The following TBC1D17 variants were observed in gnomAD, a reference collection of about 807,000 sequenced individuals.
TBC1D17 encodes TBC1 domain family member 17, also known as TBC1 domain family, member 17.
Under a neutral mutation model 78.8 loss-of-function variants are expected in TBC1D17, and 69 were observed. The observed-to-expected ratio is 0.88, with a 90% CI of 0.72 to 1.07. The LOEUF (loss-of-function observed/expected upper bound fraction) is 1.07. Ranked by LOEUF, TBC1D17 falls within the 50% of genes least tolerant of loss-of-function variation. TBC1D17 has a pLI of 0.00. For missense variants in TBC1D17, 957 were observed against 861.0 expected, an observed-to-expected ratio of 1.11 and a Z score of -1.39; for synonymous variants, 456 against 358.3, an observed-to-expected ratio of 1.27 and a Z score of -3.08.
Position 49,882,824 on chromosome 19 carries a change from G to A in TBC1D17, c.859G>A (p.Ala287Thr), listed in dbSNP as rs2075027359. 1 of 1,610,312 alleles carries A rather than the reference G, an allele frequency of 6.2e-7. No homozygotes were observed. The highest frequency in any genetic ancestry group is 8.5e-7 in the Non-Finnish European group (1 of 1,178,760). Residue 287 changes from alanine (A) to threonine (T), a missense_variant, in exon 8 of 17, where the codon GCA becomes ACA. By Grantham distance (58) the Ala-to-Thr change is moderately conservative (BLOSUM62 0). Coordinates refer to ENST00000221543, the MANE Select transcript of TBC1D17 (RefSeq NM_024682.3). ...RGPPVTEEEWARHVGPEGRLQ... is the reference protein window; with the variant it reads ...RGPPVTEEEWTRHVGPEGRLQ... ...CCCTCCAGTTACAGAGGAGGAGTGG[G>A]CACGCCACGTGGGCCCTGAAGGTCG...
intron 13 of TBC1D17, chr19:49,887,198 A>G (rs1403777054): frequency 6.6e-6 from 3 of 454,976 alleles, no homozygotes; most frequent in South Asian, 4.1e-5. Flanking sequence ...GCTCACCAGC[A>G]GCGGGCAGAG....
intron 13 of TBC1D17, 89 bp downstream of exon 13, chr19:49,884,847 T>C (rs548107545): frequency 5.2e-6 from 6 of 1,159,948 alleles, no homozygotes; most frequent in South Asian, 5.1e-5. Context: ...ATCCTGGACA[T>C]TGGGTCCTGA....
intron 2 of TBC1D17, 81 bp from the exon 3 acceptor site, chr19:49,878,417 A>C (rs2074979333): frequency 6.9e-7 from 1 of 1,440,244 alleles, no homozygotes; most frequent in Non-Finnish European, 9.8e-7. Flanking sequence ...AGAAACTGGG[A>C]AAGTTTGGAA....
rs2075068049 is a variant in TBC1D17, at chr19:49,887,494, C to G, written c.1463C>G (p.Ser488Cys). ...CCCCCAGATTCCCAGGACTCCGGCT[C>G]TCTCTGCTTCTGTTTCCGGTGGCTG... ...CDFLDSQDSG[S>C]LCFCFRWLLI... Residue 488 changes from serine (S) to cysteine (C), a missense_variant, in exon 14 of 17, where the codon TCT becomes TGT. Transcript: ENST00000221543. The G allele has an allele frequency of 3.1e-6, 5 of 1,614,158 alleles. No homozygotes were observed. The highest frequency in any genetic ancestry group is 1.3e-5 in the African/African-American group (1 of 75,074).
intron 15 of TBC1D17, 185 bp downstream of exon 15, chr19:49,888,019 C>T (rs1486661774): frequency 1.0e-6 from 1 of 963,854 alleles, no homozygotes; most frequent in East Asian, 2.6e-5. Flanking sequence ...CCAGCAAGGT[C>T]CTCCGGGCAG....
At chr19:49,878,676 G>GTCACACATGCCCCAC in intron 3 of TBC1D17, 104 bp downstream of exon 3, 2 of 1,116,582 alleles carry the variant, frequency 1.8e-6, no homozygotes, top group Non-Finnish European at 2.7e-6. Flanking sequence ...CTACTCGTGG[G>GTCACACATGCCCCAC]GCATGTGTGA....
intron 3 of TBC1D17, among the ~76,000 whole-genome samples, chr19:49,879,691 G>A (rs2074993798): frequency 6.6e-6 from 1 of 150,626 alleles, no homozygotes; most frequent in East Asian, 2.0e-4. Context: ...TTTACCTGGT[G>A]AGTACAACAG....
chr19:49,883,221 C>G (rs993410510), intron 9 of TBC1D17, 145 bp downstream of exon 9: 2 of 696,890 alleles, frequency 2.9e-6, no homozygotes, highest in Non-Finnish European at 4.8e-6. Flanking sequence ...ATGATCAAGC[C>G]AGACCCATCC....
In TBC1D17 at chr19:49,884,458, G is replaced by T. The variant is rs375050509; in HGVS notation, c.1244-1G>T. On this transcript the variant is annotated splice_acceptor_variant, in intron 11 of 16. Transcript: ENST00000221543. LOFTEE classifies it high-confidence loss of function. ...TGCAGCCTGACCCCATGTCCCCCCA[G>T]GCTACGTCCAGGGCATGAGTGATCT... is the stretch of plus-strand genomic sequence containing the variant. 6.2e-7 allele frequency: 1 copy of T among 1,613,996 alleles called. No homozygotes were observed. The highest frequency in any genetic ancestry group is 1.3e-5 in the African/African-American group (1 of 74,914).
intron 3 of TBC1D17, among the ~76,000 whole-genome samples, chr19:49,880,028 G>T (rs2074998464): frequency 1.3e-5 from 2 of 151,466 alleles, no homozygotes; most frequent in Admixed American, 1.3e-4. Context: ...TAATTTTTTT[G>T]TATTTTTTTA....
Position 49,880,533 on chromosome 19 carries a change from C to A in TBC1D17, c.319+131C>A, listed in dbSNP as rs567241269. On this transcript the variant is annotated intron_variant, in intron 4 of 16. Transcript: ENST00000221543. ...GCCACCAGTCACCACCTTCCAGTCCCAGGAGCATGGAAGTGAATGGGAAGA... is the reference window on the plus strand; with the variant it reads ...GCCACCAGTCACCACCTTCCAGTCCAAGGAGCATGGAAGTGAATGGGAAGA... 8.1e-4 allele frequency: 1,023 copies of A among 1,259,816 alleles called. 2 individuals are homozygous for A. Among genetic ancestry groups the A allele is most frequent in the Non-Finnish European group, 1.0e-3 (959 of 930,622 alleles). 78.0% of individuals were successfully genotyped at this position (1,259,816 alleles called of 1,614,324 possible). A position where few individuals can be genotyped will look rare whatever the true frequency, so the allele number is the denominator to read the frequency against.
chr19:49,877,847 C>T (rs951686892), intron 1 of TBC1D17, 103 bp downstream of exon 1: 3 of 1,381,106 alleles, frequency 2.2e-6, no homozygotes, highest in East Asian at 2.5e-5. Context: ...CCGGCACGGC[C>T]TTGGCAAACA....
At position 49,881,485 on chromosome 19, in the gene TBC1D17, C is replaced by T. The variant is rs984970217; in HGVS notation, c.527+10C>T. 8 of 1,605,516 alleles carry T rather than the reference C, an allele frequency of 5.0e-6. No individual in the cohort carries two copies. In the African/African-American group the frequency reaches 1.1e-4, roughly 21 times the overall value. The stretch of plus-strand genomic sequence containing the variant: ...ACCTGCTGTTGGCCAGGTGAGCTCT[C>T]TCCCAGTGCTGGGCCTTAAACCGGG... On this transcript the variant is annotated intron_variant, in intron 5 of 16. Coordinates refer to ENST00000221543, the MANE Select transcript of TBC1D17 (RefSeq NM_024682.3).
In TBC1D17 at chr19:49,884,515, G is replaced by T; in HGVS notation, c.1300G>T (p.Glu434Ter). 2 of 1,614,162 alleles carry T rather than the reference G, an allele frequency of 1.2e-6. No individual in the cohort carries two copies. Among genetic ancestry groups the T allele is most frequent in the South Asian group, 2.2e-5 (2 of 91,080 alleles). The change falls in exon 12 of 17, where the codon GAG (glutamate) becomes TAG (stop). Residue 434 changes from glutamate (E) to a stop codon, truncating the protein, a stop_gained. Transcript: ENST00000221543. LOFTEE classifies it high-confidence loss of function. ...LSPILYVIQN[E>*]VDAFWCFCGF... ...CCCGATCCTCTACGTCATTCAGAAC[G>T]AGGTGGATGCTTTCTGGTGTTTCTG...
chr19:49,884,502 C>T lies in TBC1D17; in HGVS notation c.1287C>T (p.Tyr429=), dbSNP rs138319146. 7.2e-4 allele frequency: 1,162 copies of T among 1,614,168 alleles called. 10 individuals carry two copies. In the East Asian group the frequency reaches 0.017, roughly 24 times the overall value. Residue 429 remains tyrosine (Y), a synonymous_variant, in exon 12 of 17, where the codon TAC becomes TAT. Transcript: ENST00000221543. The part of the protein sequence containing the change: ...GMSDLLSPIL[Y]VIQNEVDAFW... ...GTGATCTTCTCTCCCCGATCCTCTA[C>T]GTCATTCAGAACGAGGTGGATGCTT...
At position 49,887,488 on chromosome 19, in the gene TBC1D17, C is replaced by A; in HGVS notation, c.1457C>A (p.Ser486Tyr). The part of the protein sequence containing the change: ...LLCDFLDSQD[S>Y]GSLCFCFRWL... Reference sequence around the variant, plus strand: ...TGTCATCCCCCAGATTCCCAGGACTCCGGCTCTCTCTGCTTCTGTTTCCGG... The same window carrying A: ...TGTCATCCCCCAGATTCCCAGGACTACGGCTCTCTCTGCTTCTGTTTCCGG... Residue 486 changes from serine (S) to tyrosine (Y), a missense_variant, in exon 14 of 17, where the codon TCC (serine) becomes TAC (tyrosine). Coordinates refer to ENST00000221543, the MANE Select transcript of TBC1D17 (RefSeq NM_024682.3). 6.2e-7 allele frequency: 1 copy of A among 1,614,086 alleles called. No individual in the cohort carries two copies. Among genetic ancestry groups the A allele is most frequent in the Non-Finnish European group, 8.5e-7 (1 of 1,179,996 alleles).
Position 49,881,475 on chromosome 19 carries a change from G to A in TBC1D17, c.527G>A (p.Ser176Asn). ...RVLSRYLLLA[S>N]SPQDSRLYLV... ...CTCAGCCGCTACCTGCTGTTGGCCA[G>A]GTGAGCTCTCTCCCAGTGCTGGGCC... The change falls in exon 5 of 17, where the codon AGC (serine) becomes AAC (asparagine). Residue 176 changes from serine (S) to asparagine (N), a missense_variant and splice_region_variant. By Grantham distance (46) the Ser-to-Asn change is conservative. Coordinates refer to ENST00000221543, the MANE Select transcript of TBC1D17 (RefSeq NM_024682.3). 1.2e-6 allele frequency: 2 copies of A among 1,607,550 alleles called. No homozygotes were observed. The highest frequency in any genetic ancestry group is 1.7e-6 in the Non-Finnish European group (2 of 1,179,594).
Position 49,884,354 on chromosome 19 carries a change from T to G in TBC1D17, c.1228T>G (p.Tyr410Asp). ...LNDILLTYCM[Y>D]HFDLGYVQGM... Reference sequence around the variant, plus strand: ...CGATATCCTCCTCACCTACTGCATGTATCACTTCGACCTCGGTGGGTGCCA... The same window carrying G: ...CGATATCCTCCTCACCTACTGCATGGATCACTTCGACCTCGGTGGGTGCCA... The change falls in exon 11 of 17, where the codon TAT becomes GAT. Residue 410 changes from tyrosine (Y) to aspartate (D), a missense_variant. Coordinates refer to ENST00000221543, the MANE Select transcript of TBC1D17 (RefSeq NM_024682.3). 2.5e-6 allele frequency: 4 copies of G among 1,614,076 alleles called. No individual in the cohort carries two copies. The highest frequency in any genetic ancestry group is 3.4e-6 in the Non-Finnish European group (4 of 1,179,994).
Position 49,881,942 on chromosome 19 carries a change from G to A in TBC1D17, c.528-99G>A, listed in dbSNP as rs989079792. 110 of 1,035,210 alleles carry A rather than the reference G, an allele frequency of 1.1e-4. 1 individual carries two copies. The Admixed American group carries it at 1.6e-3, about 15-fold the overall frequency. 64.1% of individuals were successfully genotyped at this position (1,035,210 alleles called of 1,614,324 possible). ...AATGAGGGGTTGCCCAGGGGTGGTT[G>A]GGACGCTGCAGCTGGAACCGATGTC... is the stretch of plus-strand genomic sequence containing the variant. On this transcript the variant is annotated intron_variant, in intron 5 of 16. Coordinates refer to ENST00000221543, the MANE Select transcript of TBC1D17 (RefSeq NM_024682.3).
Sources: allele counts gnomAD v4.1 joint callset (sites outside exome capture counted in the v4.1 genomes callset), GRCh38; gene constraint gnomAD v4.1.1; transcripts MANE v1.5; gene names NCBI Gene and HGNC (gene_info 2026-07-23, HGNC 2026-07-21).